Variants in ATP10A observed in about 807,000 individuals in gnomAD.
ATP10A encodes the protein phospholipid-transporting ATPase VA.
In ATP10A, 111 loss-of-function variants were observed where a neutral mutation model predicts 147.8. That is an observed-to-expected ratio of 0.75 (90% confidence interval 0.64 to 0.88). ATP10A has a LOEUF of 0.88. Among genes scored for constraint, ATP10A ranks in the 40% least tolerant of loss-of-function variants. The pLI, the probability that ATP10A is intolerant of heterozygous loss-of-function variation, is 0.00. For missense variants in ATP10A, 1,927 were observed against 1,959.0 expected (o/e 0.98, Z 0.31); for synonymous variants, 875 against 841.6 (o/e 1.04, Z -0.69).
chr15:25,838,177 C>A (rs768080628), intron 1 of ATP10A, among the ~76,000 whole-genome samples: 2 of 152,198 alleles, frequency 1.3e-5, no homozygotes, highest in African/African-American at 2.4e-5. Flanking sequence ...CCAATTTGAA[C>A]ATAACAGAAA....
At chr15:25,735,799 G>A (rs1380963241) in intron 3 of ATP10A, among the ~76,000 whole-genome samples, 4 of 152,096 alleles carry the variant, frequency 2.6e-5, no homozygotes, top group East Asian at 1.9e-4. Flanking sequence ...GCCTGCTAGC[G>A]GGAGGAAAAG....
intron 1 of ATP10A, among the ~76,000 whole-genome samples, chr15:25,806,850 C>T (rs375407839): frequency 6.6e-6 from 1 of 152,172 alleles, no homozygotes; most frequent in Admixed American, 6.5e-5. Context: ...GTCAGCTGTA[C>T]ATTTACTTCT....
chr15:25,734,286 T>C (rs765133423), intron 3 of ATP10A, among the ~76,000 whole-genome samples: 59 of 152,204 alleles, frequency 3.9e-4, no homozygotes, highest in Non-Finnish European at 7.3e-4. Context: ...GGCACCGCCC[T>C]GTCACACCAA....
chr15:25,672,759 C>T (rs948966324), downstream of ATP10A, among the ~76,000 whole-genome samples: 7 of 152,272 alleles, frequency 4.6e-5, no homozygotes, highest in African/African-American at 1.7e-4. Context: ...TATGCCTTGA[C>T]TATCCTTGTT....
At chr15:25,768,540 CTT>C (rs59228132) in intron 2 of ATP10A, among the ~76,000 whole-genome samples, 8,444 of 132,204 alleles carry the variant, frequency 0.064, 253 homozygotes, top group Middle Eastern at 0.12. Context: ...CTCTCTCTCT[CTT>C]TTTTTTTTTT....
chr15:25,697,005 GGAA>G (rs1358918473), intron 13 of ATP10A, among the ~76,000 whole-genome samples: 1 of 152,138 alleles, frequency 6.6e-6, no homozygotes, highest in East Asian at 1.9e-4. Flanking sequence ...AGGAAATATG[GGAA>G]GAAGAAGGTG....
chr15:25,800,566 A>G (rs887056003), intron 1 of ATP10A, among the ~76,000 whole-genome samples: 1 of 152,096 alleles, frequency 6.6e-6, no homozygotes, highest in African/African-American at 2.4e-5. Context: ...GCTCCCTGGC[A>G]CTGTTCCACC....
At chr15:25,741,127 T>G (rs547073073) in intron 2 of ATP10A, among the ~76,000 whole-genome samples, 1 of 152,328 alleles carries the variant, frequency 6.6e-6, no homozygotes, top group East Asian at 1.9e-4. Context: ...ACCCCGTGCT[T>G]CCTGGGTGTG....
chr15:25,821,654 T>C (rs1325060092), intron 1 of ATP10A, among the ~76,000 whole-genome samples: 1 of 152,204 alleles, frequency 6.6e-6, no homozygotes, highest in Non-Finnish European at 1.5e-5. Flanking sequence ...TACAAGGATC[T>C]ATGCCCAGGT....
At position 25,736,138 on chromosome 15, in the gene ATP10A, A is replaced by G; in HGVS notation, c.658T>C (p.Ser220Pro). ...QVVRGFSELV[S>P]EFNPLTFTSV... ...GTGAACGTCAAAGGATTGAATTCGG[A>G]GACCTAAAATAACAGCACGTAGACA... is the stretch of plus-strand genomic sequence containing the variant. The change falls in exon 3 of 21, where the codon TCC becomes CCC. Residue 220 changes from serine (S) to proline (P), a missense_variant. Ser to Pro is a moderately conservative substitution (Grantham distance 74). Coordinates refer to ENST00000555815, the MANE Select transcript of ATP10A (RefSeq NM_024490.4). The G allele has an allele frequency of 6.2e-7, 1 of 1,612,606 alleles. No individual in the cohort carries two copies. Among genetic ancestry groups the G allele is most frequent in the Non-Finnish European group, 8.5e-7 (1 of 1,179,836 alleles).
intron 16 of ATP10A, 98 bp downstream of exon 16, chr15:25,687,605 C>A: frequency 1.2e-6 from 1 of 833,064 alleles, no homozygotes; most frequent in Non-Finnish European, 1.5e-6. Flanking sequence ...TTGTCCATGG[C>A]CTCCCATCTG....
chr15:25,816,490 T>C (rs757621935), intron 1 of ATP10A, among the ~76,000 whole-genome samples: 9 of 152,218 alleles, frequency 5.9e-5, no homozygotes, highest in Non-Finnish European at 1.2e-4. Context: ...TTCAAGTTTG[T>C]GTTAAGTGAT....
intron 2 of ATP10A, among the ~76,000 whole-genome samples, chr15:25,769,647 T>C (rs978467833): frequency 3.9e-5 from 6 of 152,122 alleles, no homozygotes; most frequent in African/African-American, 1.2e-4. Flanking sequence ...AGGTTCATCA[T>C]GAGAAAGCAT....
chr15:25,769,136 C>T (rs1889196596), intron 2 of ATP10A, among the ~76,000 whole-genome samples: 1 of 152,054 alleles, frequency 6.6e-6, no homozygotes, highest in African/African-American at 2.4e-5. Context: ...CGAAGTCTGC[C>T]CCATAGTAAA....
At chr15:25,699,334 G>A (rs139365897) in intron 13 of ATP10A, among the ~76,000 whole-genome samples, 11 of 152,114 alleles carry the variant, frequency 7.2e-5, no homozygotes, top group Admixed American at 5.2e-4. Flanking sequence ...TGACAAAGAC[G>A]CTTTCAACCA....
At chr15:25,735,699 A>C (rs1887229090) in intron 3 of ATP10A, among the ~76,000 whole-genome samples, 1 of 152,182 alleles carries the variant, frequency 6.6e-6, no homozygotes, top group Admixed American at 6.5e-5. Context: ...TATATCCATG[A>C]AACTCCACCC....
chr15:25,846,525 C>T (rs551057057), intron 1 of ATP10A, among the ~76,000 whole-genome samples: 6 of 152,224 alleles, frequency 3.9e-5, no homozygotes, highest in Admixed American at 3.3e-4. Context: ...CTGACATGCT[C>T]AGCGCAGAAG....
At position 25,749,767 on chromosome 15, in the gene ATP10A, AG is replaced by A. The variant is rs546054314; in HGVS notation, c.655-13627del. ...CTTTCCAATGATCAAAAACTTAAGT[AG>A]GGACATGGAAGGTAAAAAAGAGACC... On this transcript the variant is annotated intron_variant, in intron 2 of 20. Transcript: ENST00000555815. 3.8e-3 allele frequency among the ~76,000 whole-genome samples: 572 copies of A among 152,336 alleles called. 1 individual carries two copies. The highest frequency in any genetic ancestry group is 0.013 in the African/African-American group (551 of 41,578).
chr15:25,705,397 T>G (rs964246187), intron 12 of ATP10A, among the ~76,000 whole-genome samples: 1 of 148,066 alleles, frequency 6.8e-6, no homozygotes, highest in Admixed American at 6.8e-5. Context: ...GATCGCACCA[T>G]TGCACTCCAG....
Sources: gnomAD v4.1 joint callset for allele counts (sites outside exome capture counted in the v4.1 genomes callset) on GRCh38, gnomAD v4.1.1 for gene constraint, MANE v1.5 for transcripts, NCBI Gene and HGNC (gene_info 2026-07-23, HGNC 2026-07-21) for gene names.